TPRG1: variants seen among roughly 807,000 people sequenced by gnomAD.
TPRG1 encodes the protein tumor protein p63 regulated 1, also known as tumor protein p63-regulated gene 1 protein.
A neutral mutation model predicts 29.3 loss-of-function variants in TPRG1; 29 were observed. The ratio of observed to expected loss-of-function variants is 0.99; its 90% CI spans 0.74 to 1.35. The LOEUF is 1.35. TPRG1 is among the 40% of genes most tolerant of loss of function. The probability of loss-of-function intolerance (pLI) is 0.00; values close to 1 mark genes in which losing one functional copy is unlikely to be tolerated. For missense variants in TPRG1, 327 were observed against 335.0 expected, an observed-to-expected ratio of 0.98 and a Z score of 0.19; for synonymous variants, 130 against 116.8, an observed-to-expected ratio of 1.11 and a Z score of -0.73.
intron 3 of TPRG1, among the ~76,000 whole-genome samples, chr3:189,139,461 T>C (rs1002693277): frequency 6.6e-6 from 1 of 152,196 alleles, no homozygotes; most frequent in African/African-American, 2.4e-5. Context: ...AGCACGTACA[T>C]GTTAGCTGTC....
chr3:188,998,726 G>T (rs1458404381), intron 1 of TPRG1, among the ~76,000 whole-genome samples: 2 of 152,134 alleles, frequency 1.3e-5, no homozygotes, highest in African/African-American at 4.8e-5. Flanking sequence ...GGCCCACAAA[G>T]GCTAATATCA....
chr3:189,229,788 G>T (rs1293794013), intron 3 of TPRG1, among the ~76,000 whole-genome samples: 2 of 152,136 alleles, frequency 1.3e-5, no homozygotes, highest in African/African-American at 2.4e-5. Flanking sequence ...ATTTCTGTGG[G>T]ATTCCTCAGA....
At chr3:189,150,561 G>A (rs1725814069) in intron 4 of TPRG1, 1 of 152,154 alleles carries the variant, frequency 6.6e-6, no homozygotes, top group Admixed American at 6.5e-5. Flanking sequence ...TCATAAAACT[G>A]TTAACTCCTT....
intron 5 of TPRG1, among the ~76,000 whole-genome samples, chr3:189,319,940 TA>T (rs1724112117): frequency 6.6e-6 from 1 of 152,090 alleles, no homozygotes; most frequent in Admixed American, 6.6e-5. Context: ...CTTCTTCACG[TA>T]ACTAGCTCTT....
At chr3:189,023,202 C>T (rs545334193) in intron 3 of TPRG1, among the ~76,000 whole-genome samples, 1 of 152,370 alleles carries the variant, frequency 6.6e-6, no homozygotes, top group African/African-American at 2.4e-5. Flanking sequence ...GTCGCTCACG[C>T]TGGGAGCTGC....
intron 4 of TPRG1, among the ~76,000 whole-genome samples, chr3:189,080,363 C>T (rs1376660513): frequency 1.3e-5 from 2 of 152,122 alleles, no homozygotes; most frequent in African/African-American, 4.8e-5. Flanking sequence ...CTGGGACTAT[C>T]CACAGTAGCT....
At chr3:189,266,837 G>A (rs1714177991) in intron 4 of TPRG1, among the ~76,000 whole-genome samples, 1 of 151,682 alleles carries the variant, frequency 6.6e-6, no homozygotes, top group Non-Finnish European at 1.5e-5. Flanking sequence ...TTACAAAGTT[G>A]TTTCAGCTAT....
chr3:189,044,641 A>G (rs1229306114), intron 4 of TPRG1, among the ~76,000 whole-genome samples: 2 of 152,128 alleles, frequency 1.3e-5, no homozygotes, highest in African/African-American at 4.8e-5. Context: ...AGAGGATACG[A>G]AGGTTAAGAA....
intron 4 of TPRG1, among the ~76,000 whole-genome samples, chr3:189,033,715 G>A (rs892565702): frequency 6.6e-6 from 1 of 151,984 alleles, no homozygotes; most frequent in Admixed American, 6.6e-5. Flanking sequence ...GAGTAGCTGG[G>A]ACTACAGGTA....
chr3:189,249,707 G>T (rs528389510), intron 4 of TPRG1, among the ~76,000 whole-genome samples: 61 of 151,870 alleles, frequency 4.0e-4, no homozygotes, highest in Non-Finnish European at 7.2e-4. Flanking sequence ...ACTAGTGATT[G>T]TAAGTGTAAC....
chr3:189,228,392 T>A (rs1738119034), intron 3 of TPRG1, among the ~76,000 whole-genome samples: 1 of 151,706 alleles, frequency 6.6e-6, no homozygotes, highest in Admixed American at 6.6e-5. Context: ...AACACAGTAT[T>A]AAAAAAAATT....
At chr3:189,020,100 C>A (rs1057268814) in intron 3 of TPRG1, among the ~76,000 whole-genome samples, 27 of 151,866 alleles carry the variant, frequency 1.8e-4, no homozygotes, top group Non-Finnish European at 3.8e-4. Context: ...TTTTTTATTG[C>A]GTCTATTTGA....
At chr3:189,082,951 G>A (rs1431261491) in intron 4 of TPRG1, among the ~76,000 whole-genome samples, 1 of 152,118 alleles carries the variant, frequency 6.6e-6, no homozygotes, top group Non-Finnish European at 1.5e-5. Context: ...TTTACCTGAA[G>A]GAAGAGAAAT....
chr3:189,146,295 C>T (rs1725255079), intron 3 of TPRG1, among the ~76,000 whole-genome samples: 1 of 152,198 alleles, frequency 6.6e-6, no homozygotes, highest in Non-Finnish European at 1.5e-5. Context: ...ATGTGACCTC[C>T]ACCTTCAGTT....
At chr3:189,173,012 A>G (rs1409163511) in intron 1 of TPRG1, among the ~76,000 whole-genome samples, 1 of 152,118 alleles carries the variant, frequency 6.6e-6, no homozygotes, top group East Asian at 1.9e-4. Context: ...CACTCATGCA[A>G]TTTCCTCTCT....
intron 1 of TPRG1, among the ~76,000 whole-genome samples, chr3:189,113,749 C>T (rs922675546): frequency 6.6e-6 from 1 of 150,786 alleles, no homozygotes; most frequent in Non-Finnish European, 1.5e-5. Flanking sequence ...AGGGGAACAT[C>T]ACACTCTGGG....
chr3:189,184,081 G>A (rs1260074947), intron 1 of TPRG1, among the ~76,000 whole-genome samples: 1 of 152,158 alleles, frequency 6.6e-6, no homozygotes, highest in Non-Finnish European at 1.5e-5. Flanking sequence ...CACAATCCAT[G>A]TTCTTCTGCC....
intron 2 of TPRG1, among the ~76,000 whole-genome samples, chr3:189,130,490 A>G (rs1398473106): frequency 2.0e-5 from 3 of 152,244 alleles, no homozygotes; most frequent in African/African-American, 7.2e-5. Flanking sequence ...TTATCAGAGG[A>G]AAATGGCCTG....
rs189758231 is a variant in TPRG1, at chr3:189,107,581, A to G, written c.-744+7377A>G. Among the ~76,000 whole-genome samples, 30 of 152,184 alleles carry G rather than the reference A, an allele frequency of 2.0e-4. No individual in the cohort carries two copies. In the East Asian group the frequency reaches 4.6e-3, roughly 23 times the overall value. ...CACCCCTTAGCCTTTTTGTTTTCCT[A>G]TTGAATCATATCAATCTTTTCATAT... is the stretch of plus-strand genomic sequence containing the variant. On this transcript the variant is annotated intron_variant, in intron 1 of 6. Coordinates refer to the TPRG1 transcript ENST00000412373.
Sources: gnomAD v4.1 joint callset for allele counts (sites outside exome capture counted in the v4.1 genomes callset) on GRCh38, gnomAD v4.1.1 for gene constraint, MANE v1.5 for transcripts, NCBI Gene and HGNC (gene_info 2026-07-23, HGNC 2026-07-21) for gene names.